LTBP4: variants seen among roughly 807,000 people sequenced by gnomAD.
LTBP4 encodes latent transforming growth factor beta binding protein 4.
A neutral mutation model predicts 180.2 loss-of-function variants in LTBP4; 93 were observed. That is an observed-to-expected ratio of 0.52 (90% CI 0.44 to 0.61). The LOEUF (loss-of-function observed/expected upper bound fraction) is 0.61, where lower values mean the gene tolerates loss of function less well. Ranked by LOEUF, LTBP4 falls within the 20% of genes least tolerant of loss-of-function variation. LTBP4 has a pLI of 0.00. For missense variants in LTBP4, 2,116 were observed against 2,256.5 expected, an observed-to-expected ratio of 0.94 and a Z score of 1.26; for synonymous variants, 947 against 934.5, an observed-to-expected ratio of 1.01 and a Z score of -0.24.
intron 6 of LTBP4, 104 bp from the exon 7 acceptor site, chr19:40,607,261 A>ACCCCCCCCC: frequency 1.6e-5 from 8 of 490,448 alleles, no homozygotes; most frequent in Non-Finnish European, 2.0e-5. Flanking sequence ...GCACCCACCA[A>ACCCCCCCCC]CCCCCCACCC....
chr19:40,612,278 C>T, intron 15 of LTBP4, 86 bp downstream of exon 15: 1 of 1,474,970 alleles, frequency 6.8e-7, no homozygotes, highest in Non-Finnish European at 9.0e-7. Flanking sequence ...CTGGCCGTAA[C>T]CTCCTGACCT....
At chr19:40,616,782 A>G in intron 19 of LTBP4, 107 bp from the exon 20 acceptor site, 2 of 1,319,542 alleles carry the variant, frequency 1.5e-6, no homozygotes, top group South Asian at 2.7e-5. Context: ...TCAGGCTCCT[A>G]GAATACCAGA....
intron 28 of LTBP4, 127 bp from the exon 29 acceptor site, chr19:40,627,578 G>A: frequency 7.4e-7 from 1 of 1,357,758 alleles, no homozygotes; most frequent in Non-Finnish European, 9.9e-7. Flanking sequence ...CGCAGCACCC[G>A]CCACAGCCCT....
Position 40,617,155 on chromosome 19 carries a change from C to T in LTBP4, c.3000C>T (p.Asn1000=). ...SFCGAHAVCQ[N]LPGSFQCLCD... Reference sequence around the variant, plus strand: ...GCGGTGCCCACGCCGTGTGCCAGAACCTGCCCGGCTCCTTCCAGTGCCTCT... The same window carrying T: ...GCGGTGCCCACGCCGTGTGCCAGAATCTGCCCGGCTCCTTCCAGTGCCTCT... Residue 1000 remains asparagine (N), a synonymous_variant, in exon 21 of 30, where the codon AAC becomes AAT. Transcript: ENST00000396819. The T allele has an allele frequency of 6.2e-7, 1 of 1,613,972 alleles. No homozygotes were observed. The highest frequency in any genetic ancestry group is 8.5e-7 in the Non-Finnish European group (1 of 1,179,884).
At chr19:40,599,463 G>GC (rs1568399991), upstream of LTBP4, 1 of 1,613,864 alleles carries the variant, frequency 6.2e-7, no homozygotes, top group Non-Finnish European at 8.5e-7. Context: ...AAGTGTGCAG[G>GC]CCCCCAGCGG....
intron 1 of LTBP4, among the ~76,000 whole-genome samples, chr19:40,593,806 T>C (rs2081377958): frequency 6.6e-6 from 1 of 151,510 alleles, no homozygotes; most frequent in Non-Finnish European, 1.5e-5. Flanking sequence ...TTTATTTCTT[T>C]TTTTTGAGAC....
Position 40,613,053 on chromosome 19 carries a change from C to CA in LTBP4, c.2300-11dup. The CA allele has an allele frequency of 3.1e-6, 5 of 1,611,018 alleles. No homozygotes were observed. The highest frequency in any genetic ancestry group is 4.2e-6 in the Non-Finnish European group (5 of 1,178,484). ...AGACTGGACCCTTTCTGAACACCCC[C>CA]ACCCCCCACAGATGTGGACGAATGC... On this transcript the variant is annotated splice_polypyrimidine_tract_variant and intron_variant, in intron 15 of 29. Transcript: ENST00000396819. The surrounding 1 kb of genome is among the most constrained non-coding windows in gnomAD (Gnocchi z 5.0).
At chr19:40,616,258 C>A (rs796216126) in intron 19 of LTBP4, among the ~76,000 whole-genome samples, 2 of 150,152 alleles carry the variant, frequency 1.3e-5, no homozygotes, top group Admixed American at 6.6e-5. Flanking sequence ...CCTGTCACTA[C>A]ACTCCAGCCT....
At chr19:40,595,607 T>C (rs2081385663) in intron 1 of LTBP4, among the ~76,000 whole-genome samples, 1 of 152,098 alleles carries the variant, frequency 6.6e-6, no homozygotes, top group African/African-American at 2.4e-5. Context: ...GTTTGAAGGC[T>C]TGAAGCCTGG....
intron 12 of LTBP4, 109 bp downstream of exon 12, chr19:40,610,766 C>T (rs747879310): frequency 1.7e-5 from 25 of 1,439,462 alleles, no homozygotes; most frequent in Non-Finnish European, 2.3e-5. Flanking sequence ...GATTTGGAGA[C>T]AGAGGCCAGG....
At chr19:40,608,169 G>C in intron 7 of LTBP4, 51 bp from the exon 8 acceptor site, 3 of 1,608,406 alleles carry the variant, frequency 1.9e-6, no homozygotes, top group Non-Finnish European at 2.5e-6. Context: ...GCTGGCCATC[G>C]TTTTCTTCCC....
Position 40,622,250 on chromosome 19 carries a change from A to G in LTBP4, c.3218-151A>G. 1 of 769,380 alleles carries G rather than the reference A, an allele frequency of 1.3e-6. No individual in the cohort carries two copies. The highest frequency in any genetic ancestry group is 2.8e-5 in the East Asian group (1 of 35,242). The allele number at this position is 769,380 out of a possible 1,614,324, so 47.7% of individuals were successfully genotyped here. On this transcript the variant is annotated intron_variant, in intron 22 of 29. Transcript: ENST00000396819. The surrounding 1 kb of genome is among the most constrained non-coding windows in gnomAD (Gnocchi z 5.1). ...CAGTGGGAGAAAGAGAAACAGTGAC[A>G]GAGGAGCGTGAGAGGTGTGGAGTCT...
rs962225468 is a variant in LTBP4 at position 40,609,785 on chromosome 19, C to A, written c.1598C>A (p.Pro533His). Residue 533 changes from proline to histidine, a missense_variant, in exon 11 of 30, where the codon CCC becomes CAC. Physicochemically the swap from Pro to His is moderately conservative, Grantham distance 77. Around this residue, in one of 5 missense-constraint regions of LTBP4, gnomAD observed 877 missense variants for 873.6 expected, o/e 1.00. Coordinates refer to ENST00000396819, the MANE Select transcript of LTBP4 (RefSeq NM_001042545.2). The surrounding 1 kb of genome is among the most constrained non-coding windows in gnomAD (Gnocchi z 4.9). Reference sequence around the variant, plus strand: ...CGCCGCGTGCCCCCGCCCTGTGCTCCCGGGCGCTGCGAGAACTCACCAGGC... The same window carrying A: ...CGCCGCGTGCCCCCGCCCTGTGCTCACGGGCGCTGCGAGAACTCACCAGGC... ...ECRRVPPPCAPGRCENSPGSF... is the reference protein window; with the variant it reads ...ECRRVPPPCAHGRCENSPGSF... The A allele has an allele frequency of 6.2e-7, 1 of 1,611,458 alleles. No homozygotes were observed.
rs2081508012 is a variant in LTBP4, at chr19:40,611,762, A to G, written c.2054-97A>G. ...AGGGAGCAGCCTGAGGCAAGTCCAG[A>G]AGGCAGGCTCAAGACTGGAATGCTG... is the stretch of plus-strand genomic sequence containing the variant. On this transcript the variant is annotated intron_variant, in intron 13 of 29. Transcript: ENST00000396819. The surrounding 1 kb of genome is among the most constrained non-coding windows in gnomAD (Gnocchi z 4.4). 2 of 1,494,934 alleles carry G rather than the reference A, an allele frequency of 1.3e-6. No homozygotes were observed. Among genetic ancestry groups the G allele is most frequent in the African/African-American group, 2.8e-5 (2 of 72,042 alleles). The allele number at this position is 1,494,934 out of a possible 1,614,324, so 92.6% of individuals were successfully genotyped here. A position where few individuals can be genotyped will look rare whatever the true frequency, so the allele number is the denominator to read the frequency against.
intron 1 of LTBP4, among the ~76,000 whole-genome samples, chr19:40,603,046 C>T (rs939962991): frequency 6.6e-6 from 1 of 152,256 alleles, no homozygotes; most frequent in South Asian, 2.1e-4. Flanking sequence ...AGTTTTTGCT[C>T]CAGGCCCTAG....
At chr19:40,608,434 G>T (rs370255151) in intron 8 of LTBP4, 50 bp from the exon 9 acceptor site, 1 of 1,594,874 alleles carries the variant, frequency 6.3e-7, no homozygotes, top group South Asian at 1.1e-5. Context: ...ATAGTGAAAG[G>T]AGGCAAGAGA....
rs1568414647 is a variant in LTBP4 at position 40,625,316 on chromosome 19, A to ATATATATTTT, written c.3833-540_3833-539insATATATTTTT. Among the ~76,000 whole-genome samples, 13 of 21,938 alleles carry ATATATATTTT rather than the reference A, an allele frequency of 5.9e-4. 2 individuals carry two copies. The highest frequency in any genetic ancestry group is 9.5e-4 in the African/African-American group (4 of 4,196). 14.4% of individuals were successfully genotyped at this position (21,938 alleles called of 152,430 possible). ...TATATATATATATATATATATATAT[A>ATATATATTTT]TTTTTTTTTTTAAAGATGGGTTTTT... On this transcript the variant is annotated intron_variant, in intron 26 of 29. Coordinates refer to ENST00000396819, the MANE Select transcript of LTBP4 (RefSeq NM_001042545.2).
Position 40,622,675 on chromosome 19 carries a change from TGGGCTGATGGG to T in LTBP4, c.3484+10_3484+20del, listed in dbSNP as rs759841909. The T allele has an allele frequency of 6.3e-7, 1 of 1,594,572 alleles. No homozygotes were observed. The highest frequency in any genetic ancestry group is 1.7e-5 in the Admixed American group (1 of 59,118). On this transcript the variant is annotated intron_variant, in intron 23 of 29. Transcript: ENST00000396819. This position sits in a 1 kb window ranked among gnomAD's most constrained non-coding sequence, Gnocchi z 5.1. Reference sequence around the variant, plus strand: ...GCCCGGGCACCGAGACAGGTGGGCATGGGCTGATGGGGACACAGGGCTGAGGGCTTGGGTGG... The same window carrying T: ...GCCCGGGCACCGAGACAGGTGGGCATGACACAGGGCTGAGGGCTTGGGTGG...
rs546242706 is a variant in LTBP4 at position 40,609,913 on chromosome 19, T to G, written c.1684+42T>G. On this transcript the variant is annotated intron_variant, in intron 11 of 29. Coordinates refer to ENST00000396819, the MANE Select transcript of LTBP4 (RefSeq NM_001042545.2). This position sits in a 1 kb window ranked among gnomAD's most constrained non-coding sequence, Gnocchi z 4.9. The stretch of plus-strand genomic sequence containing the variant: ...ACCCGGCTCCAGGCCCACCCCAGGG[T>G]CTCGCTCCTGCTCTCACTCCAGAGC... 3.4e-5 allele frequency: 50 copies of G among 1,487,572 alleles called. No individual in the cohort carries two copies. Among genetic ancestry groups the G allele is most frequent in the Non-Finnish European group, 3.4e-5 (38 of 1,117,414 alleles). 92.1% of individuals were successfully genotyped at this position (1,487,572 alleles called of 1,614,324 possible). A position where few individuals can be genotyped will look rare whatever the true frequency, so the allele number is the denominator to read the frequency against.
Sources: allele counts gnomAD v4.1 joint callset (sites outside exome capture counted in the v4.1 genomes callset), GRCh38; gene constraint gnomAD v4.1.1; regional missense constraint gnomAD v4.1.1; non-coding constraint Gnocchi (gnomAD v3.1); transcripts MANE v1.5; gene names NCBI Gene and HGNC (gene_info 2026-07-23, HGNC 2026-07-21).